The following RIPOR3 variants were observed in gnomAD, a reference collection of about 807,000 sequenced individuals.
The protein encoded by RIPOR3 is RIPOR family member 3, also known as family with sequence similarity 65 member C.
Under a neutral mutation model 114.3 loss-of-function variants are expected in RIPOR3, and 95 were observed. That is an observed-to-expected ratio of 0.83 (90% CI 0.70 to 0.99). The LOEUF is 0.99. Among genes scored for constraint, RIPOR3 ranks in the 50% least tolerant of loss-of-function variants. RIPOR3 has a pLI of 0.00. For missense variants in RIPOR3, 1,252 were observed against 1,266.9 expected, an observed-to-expected ratio of 0.99 and a Z score of 0.18; for synonymous variants, 575 against 543.8, an observed-to-expected ratio of 1.06 and a Z score of -0.80.
At chr20:50,605,165 T>C (rs139731902) in intron 11 of RIPOR3, among the ~76,000 whole-genome samples, 3,327 of 152,206 alleles carry the variant, frequency 0.022, 130 homozygotes, top group African/African-American at 0.075. Context: ...ACTTCTGGGC[T>C]CAAGCAATCC....
chr20:50,659,900 C>T (rs2085938768), intron 1 of RIPOR3: 1 of 152,208 alleles, frequency 6.6e-6, no homozygotes, highest in Admixed American at 6.6e-5. Context: ...GGTCTGGCCA[C>T]TGATGACTGA....
At chr20:50,689,172 C>CTTTT (rs71964773) in intron 1 of RIPOR3, among the ~76,000 whole-genome samples, 2 of 88,814 alleles carry the variant, frequency 2.3e-5, no homozygotes, top group African/African-American at 3.8e-5. Context: ...CTCCAAACTT[C>CTTTT]TTTTTTTTTT....
chr20:50,618,030 C>G (rs2084243292), intron 3 of RIPOR3, among the ~76,000 whole-genome samples: 1 of 151,966 alleles, frequency 6.6e-6, no homozygotes, highest in African/African-American at 2.4e-5. Flanking sequence ...CTTTGGGAAG[C>G]CAAAGCAGGT....
At chr20:50,629,689 C>A (rs2084750948) in intron 2 of RIPOR3, among the ~76,000 whole-genome samples, 1 of 152,224 alleles carries the variant, frequency 6.6e-6, no homozygotes, top group South Asian at 2.1e-4. Context: ...CGGCTGCTGG[C>A]CCTGCCTCCC....
chr20:50,652,290 T>C (rs1179032056), intron 1 of RIPOR3, among the ~76,000 whole-genome samples: 1 of 152,182 alleles, frequency 6.6e-6, no homozygotes, highest in Non-Finnish European at 1.5e-5. Flanking sequence ...CCACCGACTG[T>C]CACTCAAGAA....
In RIPOR3 at chr20:50,615,108, A is replaced by AGTGTGTGTGTGTGTGT. The variant is rs56136460; in HGVS notation, c.348+878_348+893dup. On this transcript the variant is annotated intron_variant, in intron 4 of 21. Transcript: ENST00000327979. Reference sequence around the variant, plus strand: ...AATTTAATGGGGCATGCTATTTGTGAGTGTGTGTGTGTGTGTGTGTGTGTG... The same window carrying AGTGTGTGTGTGTGTGT: ...AATTTAATGGGGCATGCTATTTGTGAGTGTGTGTGTGTGTGTGTGTGTGTGTGTGTGTGTGTGTGTG... Among the ~76,000 whole-genome samples the AGTGTGTGTGTGTGTGT allele has an allele frequency of 3.3e-3, 456 of 138,492 alleles. 7 individuals are homozygous for AGTGTGTGTGTGTGTGT. Among genetic ancestry groups the AGTGTGTGTGTGTGTGT allele is most frequent in the East Asian group, 8.6e-3 (39 of 4,522 alleles). The allele number at this position is 138,492 out of a possible 152,430, so 90.9% of individuals were successfully genotyped here.
chr20:50,652,277 G>T, intron 1 of RIPOR3, among the ~76,000 whole-genome samples: 1 of 152,034 alleles, frequency 6.6e-6, no homozygotes, highest in Non-Finnish European at 1.5e-5. Flanking sequence ...AAACCCTGAG[G>T]CCCCACCGAC....
chr20:50,592,530 C>A lies in RIPOR3; in HGVS notation c.2391G>T (p.Glu797Asp). ...CCTTGGCCTGTCCCGCACAGTGAAG[C>A]TCCTCGATGAGTGTCACTAGAAGAC... Reference protein sequence around the residue: ...QLTKEVTLIEELHCAGQAKVV... With the variant: ...QLTKEVTLIEDLHCAGQAKVV... Residue 797 changes from glutamate (E) to aspartate (D), a missense_variant, in exon 19 of 22, where the codon GAG becomes GAT. Physicochemically the swap from Glu to Asp is conservative, Grantham distance 45. Transcript: ENST00000327979. The A allele has an allele frequency of 6.4e-7, 1 of 1,569,016 alleles. No individual in the cohort carries two copies. Among genetic ancestry groups the A allele is most frequent in the Non-Finnish European group, 8.7e-7 (1 of 1,154,794 alleles).
intron 4 of RIPOR3, among the ~76,000 whole-genome samples, chr20:50,615,146 T>TGTGTGTGTGTGTGTGTGTGTG (rs2084121062): frequency 1.3e-5 from 2 of 149,794 alleles, no homozygotes; most frequent in Admixed American, 6.7e-5. Context: ...TGTGTGTGTG[T>TGTGTGTGTGTGTGTGTGTGTG]TGCTAAGTCG....
Position 50,594,275 on chromosome 20 carries a change from CAAAAAAA to C in RIPOR3, c.2212+271_2212+277del, listed in dbSNP as rs35958484. Among the ~76,000 whole-genome samples, 728 of 77,628 alleles carry C rather than the reference CAAAAAAA, an allele frequency of 9.4e-3. 9 individuals carry two copies. Among genetic ancestry groups the C allele is most frequent in the African/African-American group, 0.03 (657 of 21,988 alleles). The allele number at this position is 77,628 out of a possible 152,430, so 50.9% of individuals were successfully genotyped here. On this transcript the variant is annotated intron_variant, in intron 17 of 21. Coordinates refer to ENST00000327979, the MANE Select transcript of RIPOR3 (RefSeq NM_001290268.2). ...TGGGCGACAGAGTGAGACTCCATCT[CAAAAAAA>C]AAAAAAAAAAAAAATGCACCGGCCC...
intron 17 of RIPOR3, among the ~76,000 whole-genome samples, chr20:50,594,136 C>T (rs915015286): frequency 1.2e-4 from 19 of 152,160 alleles, no homozygotes; most frequent in African/African-American, 2.9e-4. Flanking sequence ...ATTAGCCAAG[C>T]GTGGTGGTGC....
intron 1 of RIPOR3, among the ~76,000 whole-genome samples, chr20:50,674,475 A>C (rs2086623526): frequency 6.6e-6 from 1 of 151,680 alleles, no homozygotes; most frequent in Non-Finnish European, 1.5e-5. Flanking sequence ...TATTAGTAAT[A>C]GCTACTATTG....
rs532717589 is a variant in RIPOR3, at chr20:50,621,933, G to A, written c.123-1801C>T. ...ATCTCAAGACTGATTATAGGAGTAC[G>A]AGGCCAGGGCACCCTCATCACAGCA... On this transcript the variant is annotated intron_variant, in intron 2 of 21. Transcript: ENST00000327979. Among the ~76,000 whole-genome samples, 7 of 152,244 alleles carry A rather than the reference G, an allele frequency of 4.6e-5. No individual in the cohort carries two copies. The South Asian group carries it at 1.5e-3, about 32-fold the overall frequency.
chr20:50,664,432 G>A (rs770889306), intron 1 of RIPOR3, among the ~76,000 whole-genome samples: 2 of 152,150 alleles, frequency 1.3e-5, no homozygotes, highest in Non-Finnish European at 2.9e-5. Context: ...GCTTTGCTCT[G>A]ACCTCGAGTC....
At chr20:50,628,050 C>T (rs750078795) in intron 2 of RIPOR3, among the ~76,000 whole-genome samples, 2 of 152,250 alleles carry the variant, frequency 1.3e-5, no homozygotes, top group Non-Finnish European at 1.5e-5. Flanking sequence ...TGATTACAGA[C>T]CCCTGCAAGA....
intron 1 of RIPOR3, among the ~76,000 whole-genome samples, chr20:50,633,639 AC>A (rs762910528): frequency 5.3e-5 from 8 of 152,156 alleles, no homozygotes; most frequent in Non-Finnish European, 1.0e-4. Flanking sequence ...CTCCCTCTGC[AC>A]CTTCCCATCA....
At chr20:50,603,441 G>A (rs913326616) in intron 12 of RIPOR3, among the ~76,000 whole-genome samples, 1 of 152,152 alleles carries the variant, frequency 6.6e-6, no homozygotes, top group Non-Finnish European at 1.5e-5. Flanking sequence ...GTTTCACCAT[G>A]TTGGCCAGGC....
chr20:50,612,079 C>T lies in RIPOR3; in HGVS notation c.349-875G>A, dbSNP rs538293194. 9.3e-5 allele frequency among the ~76,000 whole-genome samples: 14 copies of T among 149,986 alleles called. No individual in the cohort carries two copies. In the South Asian group the frequency reaches 1.9e-3, roughly 20 times the overall value. ...GGTGGAGGTTGCAGTGATCTAAGAC[C>T]GTGCCACTGTACTCCAGCCTGGGTG... On this transcript the variant is annotated intron_variant, in intron 4 of 21. Coordinates refer to ENST00000327979, the MANE Select transcript of RIPOR3 (RefSeq NM_001290268.2).
intron 11 of RIPOR3, 38 bp downstream of exon 11, chr20:50,608,351 G>C (rs1236533303): frequency 1.2e-6 from 2 of 1,611,594 alleles, no homozygotes; most frequent in Admixed American, 3.3e-5. Flanking sequence ...GGGGCAGCCA[G>C]CCAGGCCTCC....
Sources: gnomAD v4.1 joint callset for allele counts (sites outside exome capture counted in the v4.1 genomes callset) on GRCh38, gnomAD v4.1.1 for gene constraint, MANE v1.5 for transcripts, NCBI Gene and HGNC (gene_info 2026-07-23, HGNC 2026-07-21) for gene names.